EFCAB14: variants seen among roughly 807,000 people sequenced by gnomAD.
EFCAB14 encodes the protein EF-hand calcium-binding domain-containing protein 14.
A neutral mutation model predicts 56.5 loss-of-function variants in EFCAB14; 43 were observed. The observed-to-expected ratio is 0.76, with a 90% CI of 0.60 to 0.98. The LOEUF (loss-of-function observed/expected upper bound fraction) is 0.98, where lower values mean the gene tolerates loss of function less well. EFCAB14 is among the 50% of genes least tolerant of loss of function. EFCAB14 has a pLI of 0.00. For missense variants in EFCAB14, 538 were observed against 580.3 expected, an observed-to-expected ratio of 0.93 and a Z score of 0.75; for synonymous variants, 235 against 212.9, an observed-to-expected ratio of 1.10 and a Z score of -0.90.
At position 46,696,620 on chromosome 1, in the gene EFCAB14, G is replaced by A; in HGVS notation, c.510C>T (p.His170=). 1 of 1,613,612 alleles carries A rather than the reference G, an allele frequency of 6.2e-7. No homozygotes were observed. Among genetic ancestry groups the A allele is most frequent in the Non-Finnish European group, 8.5e-7 (1 of 1,179,652 alleles). The change falls in exon 4 of 11, where the codon CAC becomes CAT. Residue 170 remains histidine, a synonymous_variant. Coordinates refer to ENST00000371933, the MANE Select transcript of EFCAB14 (RefSeq NM_014774.3). ...QISLLTSAVN[H]LKANVKSAAD... ...CAGCTGACTTAACATTGGCTTTGAG[G>A]TGGTTCACTGCAGAAGTCAACAGAG...
chr1:46,706,430 A>G (rs1677234921), intron 3 of EFCAB14, among the ~76,000 whole-genome samples: 1 of 152,162 alleles, frequency 6.6e-6, no homozygotes, highest in South Asian at 2.1e-4. Context: ...CCATGTACCA[A>G]TATCCCCTTT....
intron 8 of EFCAB14, among the ~76,000 whole-genome samples, chr1:46,685,316 C>T (rs1293911908): frequency 1.3e-5 from 2 of 152,166 alleles, no homozygotes; most frequent in African/African-American, 4.8e-5. Flanking sequence ...TTCTATGAGG[C>T]TCATTTCTAA....
intron 2 of EFCAB14, among the ~76,000 whole-genome samples, chr1:46,711,830 TTATGTATTA>T (rs1677312295): frequency 6.6e-6 from 1 of 152,216 alleles, no homozygotes; most frequent in Admixed American, 6.5e-5. Flanking sequence ...CAATAAACTT[TTATGTATTA>T]ATTATTCAAC....
In EFCAB14 at chr1:46,714,291, T is replaced by C. The variant is rs536394756; in HGVS notation, c.334+2004A>G. 2.6e-5 allele frequency among the ~76,000 whole-genome samples: 4 copies of C among 152,310 alleles called. No individual in the cohort carries two copies. The South Asian group carries it at 6.2e-4, about 24-fold the overall frequency. ...CCAGTTCTGGAGCCAGATTTCTTTA[T>C]GACCTTGAGAAAGCCTTGTGGTCAG... On this transcript the variant is annotated intron_variant, in intron 2 of 10. Coordinates refer to ENST00000371933, the MANE Select transcript of EFCAB14 (RefSeq NM_014774.3).
chr1:46,696,711 T>C, intron 3 of EFCAB14, 62 bp from the exon 4 acceptor site: 5 of 1,477,952 alleles, frequency 3.4e-6, no homozygotes, highest in South Asian at 1.1e-5. Context: ...ACACGTTACC[T>C]TCACAAACTC....
chr1:46,701,677 T>C (rs988186688), intron 3 of EFCAB14, among the ~76,000 whole-genome samples: 9 of 152,258 alleles, frequency 5.9e-5, no homozygotes, highest in Admixed American at 5.9e-4. Flanking sequence ...AGTGAGGTGC[T>C]GCTGCACTTT....
At chr1:46,696,276 C>G (rs1677076936) in intron 4 of EFCAB14, among the ~76,000 whole-genome samples, 1 of 152,118 alleles carries the variant, frequency 6.6e-6, no homozygotes, top group Non-Finnish European at 1.5e-5. Flanking sequence ...CAGAGCAATT[C>G]TGGGACTCAG....
chr1:46,711,619 G>C (rs1188550227), intron 2 of EFCAB14, among the ~76,000 whole-genome samples: 3 of 152,058 alleles, frequency 2.0e-5, no homozygotes, highest in Non-Finnish European at 2.9e-5. Context: ...AACAACTTCT[G>C]ATTACTAATT....
In EFCAB14 at chr1:46,696,502, C is replaced by T. The variant is rs1245694134; in HGVS notation, c.579+49G>A. ...CTAGAATTATGGCAAATAGTACCCA[C>T]ACATGGCACCTACCTTCTGAAGTCT... On this transcript the variant is annotated intron_variant, in intron 4 of 10. Transcript: ENST00000371933. 1.9e-6 allele frequency: 3 copies of T among 1,547,350 alleles called. No individual in the cohort carries two copies. The African/African-American group carries it at 4.1e-5, about 21-fold the overall frequency.
Position 46,689,668 on chromosome 1 carries a change from A to G in EFCAB14, c.714T>C (p.Thr238=). 1.2e-6 allele frequency: 2 copies of G among 1,613,854 alleles called. No homozygotes were observed. Among genetic ancestry groups the G allele is most frequent in the Non-Finnish European group, 1.7e-6 (2 of 1,179,786 alleles). Residue 238 remains threonine, a synonymous_variant, in exon 6 of 11, where the codon ACT becomes ACC. Transcript: ENST00000371933. The part of the protein sequence containing the change: ...SDMNQHFLKE[T]PGSNQIIPSP... ...ACGGAATGATCTGGTTGCTTCCAGG[A>G]GTCTCCTTCAAGAAGTGCTGATTCT...
chr1:46,678,462 T>C lies in EFCAB14; in HGVS notation c.1487A>G (p.Ter496TrpextTer29). 1.2e-6 allele frequency: 2 copies of C among 1,614,084 alleles called. No homozygotes were observed. The highest frequency in any genetic ancestry group is 1.7e-6 in the Non-Finnish European group (2 of 1,180,004). Residue 496 changes from the stop codon to tryptophan (W), a stop_lost, in exon 11 of 11, where the codon TAG becomes TGG. Transcript: ENST00000371933. ...FLELRVALGI[*>W] ...ATTTCTAAAATATGCCTGATGAAGC[T>C]AGATACCTAAAGCTACCCTTAGCTC...
At chr1:46,691,568 G>T (rs1676992704) in intron 5 of EFCAB14, among the ~76,000 whole-genome samples, 1 of 152,074 alleles carries the variant, frequency 6.6e-6, no homozygotes, top group Non-Finnish European at 1.5e-5. Flanking sequence ...TCCATTTTCT[G>T]TCCTACCCAT....
At chr1:46,700,986 AGTGTGTGT>A (rs3991763) in intron 3 of EFCAB14, among the ~76,000 whole-genome samples, 4 of 142,844 alleles carry the variant, frequency 2.8e-5, no homozygotes, top group Non-Finnish European at 4.6e-5. Context: ...AGAGTGAGTG[AGTGTGTGT>A]GTGTGTGTGT....
intron 9 of EFCAB14, 85 bp downstream of exon 9, chr1:46,684,406 T>A: frequency 9.1e-7 from 1 of 1,100,974 alleles, no homozygotes; most frequent in Non-Finnish European, 1.4e-6. Context: ...CGATCAGTAC[T>A]GCTGGAACAC....
intron 2 of EFCAB14, among the ~76,000 whole-genome samples, chr1:46,714,229 T>TA (rs1244350599): frequency 6.6e-6 from 1 of 152,194 alleles, no homozygotes; most frequent in African/African-American, 2.4e-5. Context: ...GAGGATACTG[T>TA]AATCTAGGCT....
At chr1:46,716,175 G>T in intron 2 of EFCAB14, 120 bp downstream of exon 2, 1 of 1,077,084 alleles carries the variant, frequency 9.3e-7, no homozygotes, top group Non-Finnish European at 1.3e-6. Context: ...CTTGAACCTG[G>T]GTGGCGGATG....
intron 4 of EFCAB14, among the ~76,000 whole-genome samples, chr1:46,694,661 A>T (rs1284834835): frequency 2.0e-5 from 3 of 152,206 alleles, no homozygotes; most frequent in Non-Finnish European, 4.4e-5. Context: ...ATTGTGGAAG[A>T]CAGTGTGGAG....
At chr1:46,716,803 C>A (rs537326143) in intron 1 of EFCAB14, among the ~76,000 whole-genome samples, 1 of 152,306 alleles carries the variant, frequency 6.6e-6, no homozygotes, top group South Asian at 2.1e-4. Flanking sequence ...CTGGAATTTG[C>A]CTATTGATTT....
Position 46,678,594 on chromosome 1 carries a change from CCATCCA to C in EFCAB14, c.1349_1354del (p.Val450_Asp451del). ...CCAGATTTCCTGGTAGGTCAGCTTC[CCATCCA>C]CGTCCTGGCCAGTCTTGCGGAATAA... On this transcript the variant is annotated inframe_deletion, in exon 11 of 11. Coordinates refer to ENST00000371933, the MANE Select transcript of EFCAB14 (RefSeq NM_014774.3). 6.2e-7 allele frequency: 1 copy of C among 1,614,032 alleles called. No homozygotes were observed. Among genetic ancestry groups the C allele is most frequent in the South Asian group, 1.1e-5 (1 of 91,084 alleles).
Sources: gnomAD v4.1 joint callset for allele counts (sites outside exome capture counted in the v4.1 genomes callset) on GRCh38, gnomAD v4.1.1 for gene constraint, MANE v1.5 for transcripts, NCBI Gene and HGNC (gene_info 2026-07-23, HGNC 2026-07-21) for gene names.